CSGALNACT1: variants seen among roughly 807,000 people sequenced by gnomAD.
The protein encoded by CSGALNACT1 is beta4GalNAcT-1.
Under a neutral mutation model 51.0 loss-of-function variants are expected in CSGALNACT1, and 52 were observed. The ratio of observed to expected loss-of-function variants is 1.02; its 90% CI spans 0.82 to 1.29. The LOEUF is 1.29. CSGALNACT1 is among the 50% of genes most tolerant of loss of function. CSGALNACT1 has a pLI of 0.00. For missense variants in CSGALNACT1, 935 were observed against 679.2 expected (o/e 1.38, Z -4.19); for synonymous variants, 341 against 254.4 (o/e 1.34, Z -3.24).
At chr8:19,572,747 T>C (rs1274161943) in intron 3 of CSGALNACT1, among the ~76,000 whole-genome samples, 1 of 152,250 alleles carries the variant, frequency 6.6e-6, no homozygotes, top group African/African-American at 2.4e-5. Flanking sequence ...CACAGCACTA[T>C]TAAATGTTTA....
chr8:19,488,712 G>C (rs929544749), intron 4 of CSGALNACT1, among the ~76,000 whole-genome samples: 1 of 152,070 alleles, frequency 6.6e-6, no homozygotes, highest in African/African-American at 2.4e-5. Flanking sequence ...CTGCTATAAT[G>C]ACATGTGTAA....
intron 3 of CSGALNACT1, among the ~76,000 whole-genome samples, chr8:19,542,789 T>A (rs905197531): frequency 6.6e-6 from 1 of 152,108 alleles, no homozygotes; most frequent in African/African-American, 2.4e-5. Flanking sequence ...GAAGAAAACA[T>A]AATTCATAAG....
At chr8:19,408,104 G>T (rs373097020) in intron 9 of CSGALNACT1, among the ~76,000 whole-genome samples, 21 of 152,188 alleles carry the variant, frequency 1.4e-4, no homozygotes, top group African/African-American at 4.8e-4. Flanking sequence ...ATGTTCTACA[G>T]GAGAGGGCAG....
chr8:19,665,160 T>A (rs1423669659), intron 1 of CSGALNACT1, among the ~76,000 whole-genome samples: 2 of 152,208 alleles, frequency 1.3e-5, no homozygotes, highest in East Asian at 3.9e-4. Context: ...ATTACAGGCA[T>A]GTGCCACCAC....
At chr8:19,645,389 T>C (rs1340391227) in intron 1 of CSGALNACT1, among the ~76,000 whole-genome samples, 1 of 152,206 alleles carries the variant, frequency 6.6e-6, no homozygotes, top group Non-Finnish European at 1.5e-5. Flanking sequence ...AAGCACCAAA[T>C]TCCCTTTGTC....
chr8:19,533,704 A>G (rs2083218607), intron 3 of CSGALNACT1, among the ~76,000 whole-genome samples: 1 of 152,142 alleles, frequency 6.6e-6, no homozygotes, highest in South Asian at 2.1e-4. Flanking sequence ...AACAGCATCG[A>G]CAATGCAGAA....
intron 1 of CSGALNACT1, among the ~76,000 whole-genome samples, chr8:19,726,681 A>C (rs944756127): frequency 6.6e-6 from 1 of 152,246 alleles, no homozygotes; most frequent in Non-Finnish European, 1.5e-5. Context: ...GAATGAGTAT[A>C]AAGTCATATG....
chr8:19,672,615 A>G (rs1456609735), intron 1 of CSGALNACT1, among the ~76,000 whole-genome samples: 1 of 152,252 alleles, frequency 6.6e-6, no homozygotes, highest in East Asian at 1.9e-4. Flanking sequence ...CCTTCTTTCC[A>G]GTCACTTATA....
At chr8:19,564,163 A>G (rs936210910) in intron 3 of CSGALNACT1, among the ~76,000 whole-genome samples, 33 of 152,202 alleles carry the variant, frequency 2.2e-4, no homozygotes, top group African/African-American at 7.7e-4. Flanking sequence ...CTTTTAAAAG[A>G]GGAAACCAGG....
intron 1 of CSGALNACT1, among the ~76,000 whole-genome samples, chr8:19,620,304 G>C (rs1282348317): frequency 1.9e-5 from 2 of 103,996 alleles, no homozygotes; most frequent in Non-Finnish European, 3.6e-5. Flanking sequence ...AACAGAGTGA[G>C]ACTCTGTCTC....
chr8:19,621,317 A>C (rs972160072), intron 1 of CSGALNACT1, among the ~76,000 whole-genome samples: 4 of 152,190 alleles, frequency 2.6e-5, no homozygotes, highest in Admixed American at 2.6e-4. Flanking sequence ...ACACAAGTTT[A>C]TTATAAATTT....
chr8:19,440,001 T>A (rs937158535), intron 5 of CSGALNACT1, 70 bp from the exon 5 acceptor site: 2 of 1,314,418 alleles, frequency 1.5e-6, no homozygotes, highest in Non-Finnish European at 2.2e-6. Flanking sequence ...AACCAATACC[T>A]TTTTGTAAAG....
intron 1 of CSGALNACT1, among the ~76,000 whole-genome samples, chr8:19,643,836 A>G (rs939203070): frequency 1.3e-5 from 2 of 152,196 alleles, no homozygotes; most frequent in South Asian, 2.1e-4. Context: ...TGCTGGCTGC[A>G]GTGGAAATTG....
At chr8:19,648,969 T>C (rs967117745) in intron 1 of CSGALNACT1, among the ~76,000 whole-genome samples, 1 of 152,142 alleles carries the variant, frequency 6.6e-6, no homozygotes, top group African/African-American at 2.4e-5. Context: ...TATGGGTAGG[T>C]GTAAAAAAGC....
chr8:19,635,167 G>A lies in CSGALNACT1; in HGVS notation c.-543-33302C>T, dbSNP rs545855386. Among the ~76,000 whole-genome samples, 156 of 152,296 alleles carry A rather than the reference G, an allele frequency of 1.0e-3. 1 individual carries two copies. Among genetic ancestry groups the A allele is most frequent in the African/African-American group, 3.6e-3 (149 of 41,574 alleles). On this transcript the variant is annotated intron_variant, in intron 1 of 9. Coordinates refer to the CSGALNACT1 transcript ENST00000332246. Reference sequence around the variant, plus strand: ...CCTGGGCCTGGCCATCAGGGCAGAGGGGACCAGGAGGAGAGGGAGGGAGAA... The same window carrying A: ...CCTGGGCCTGGCCATCAGGGCAGAGAGGACCAGGAGGAGAGGGAGGGAGAA...
intron 1 of CSGALNACT1, among the ~76,000 whole-genome samples, chr8:19,670,223 A>C (rs1258133114): frequency 1.3e-5 from 2 of 152,150 alleles, no homozygotes; most frequent in African/African-American, 4.8e-5. Flanking sequence ...CTATTTTTAA[A>C]TGACCTCCAC....
At chr8:19,452,328 A>T (rs1438942731) in intron 5 of CSGALNACT1, among the ~76,000 whole-genome samples, 1 of 152,152 alleles carries the variant, frequency 6.6e-6, no homozygotes, top group Non-Finnish European at 1.5e-5. Flanking sequence ...GAAGAGCCAC[A>T]GCAGGCTATT....
At chr8:19,428,135 T>C (rs2059066925) in intron 6 of CSGALNACT1, among the ~76,000 whole-genome samples, 2 of 152,134 alleles carry the variant, frequency 1.3e-5, no homozygotes, top group South Asian at 4.1e-4. Context: ...GATGGATAAT[T>C]CCCAGCTCCT....
intron 3 of CSGALNACT1, among the ~76,000 whole-genome samples, chr8:19,555,071 T>C (rs910019671): frequency 2.7e-5 from 4 of 150,624 alleles, no homozygotes; most frequent in Admixed American, 6.6e-5. Flanking sequence ...AAACCTTGTC[T>C]CTACTAAAAA....
Sources: allele counts gnomAD v4.1 joint callset (sites outside exome capture counted in the v4.1 genomes callset), GRCh38; gene constraint gnomAD v4.1.1; transcripts MANE v1.5; gene names NCBI Gene and HGNC (gene_info 2026-07-23, HGNC 2026-07-21).